Variants in SH3D19 observed in about 807,000 individuals in gnomAD.
The protein encoded by SH3D19 is SH3 domain-containing protein 19.
A neutral mutation model predicts 112.1 loss-of-function variants in SH3D19; 58 were observed. The ratio of observed to expected loss-of-function variants is 0.52; its 90% CI spans 0.42 to 0.64. The LOEUF is 0.64. SH3D19 is among the 30% of genes least tolerant of loss of function. SH3D19 has a pLI of 0.00. For missense variants in SH3D19, 1,090 were observed against 1,263.4 expected (o/e 0.86, Z 2.08); for synonymous variants, 391 against 448.5 (o/e 0.87, Z 1.62).
At chr4:151,137,586 A>C in intron 14 of SH3D19, 146 bp downstream of exon 14, 1 of 602,414 alleles carries the variant, frequency 1.7e-6, no homozygotes. Flanking sequence ...CTAGTTGACC[A>C]AATCTTTATT....
At chr4:151,207,868 C>T (rs1175431630) in intron 2 of SH3D19, among the ~76,000 whole-genome samples, 3 of 152,162 alleles carry the variant, frequency 2.0e-5, no homozygotes, top group Non-Finnish European at 4.4e-5. Context: ...AACTAACAAA[C>T]ATCAAACTGA....
intron 1 of SH3D19, among the ~76,000 whole-genome samples, chr4:151,307,796 G>A (rs757812118): frequency 6.6e-6 from 1 of 152,250 alleles, no homozygotes; most frequent in Non-Finnish European, 1.5e-5. Context: ...CCTCCACAGG[G>A]TGAGCCATGA....
Position 151,198,845 on chromosome 4 carries a change from T to A in SH3D19, c.153-11382A>T, listed in dbSNP as rs564356603. On this transcript the variant is annotated intron_variant, in intron 2 of 19. Coordinates refer to ENST00000604030, the MANE Select transcript of SH3D19 (RefSeq NM_001378122.1). The stretch of plus-strand genomic sequence containing the variant: ...TAAAGCTGAAGGCTTTAACCAAGAA[T>A]ATAAACACAACGTGGAAACAGCTGA... Among the ~76,000 whole-genome samples, 18 of 152,284 alleles carry A rather than the reference T, an allele frequency of 1.2e-4. No homozygotes were observed. The South Asian group carries it at 3.3e-3, about 28-fold the overall frequency.
At chr4:151,255,311 G>A (rs1406458940) in intron 1 of SH3D19, among the ~76,000 whole-genome samples, 1 of 151,236 alleles carries the variant, frequency 6.6e-6, no homozygotes, top group Non-Finnish European at 1.5e-5. Context: ...CTTCTCAGAC[G>A]GGGCGGCCGG....
chr4:151,128,541 A>G (rs1339608542), intron 17 of SH3D19, among the ~76,000 whole-genome samples, 185 bp from the exon 18 acceptor site: 1 of 152,130 alleles, frequency 6.6e-6, no homozygotes, highest in Non-Finnish European at 1.5e-5. Context: ...GTTTCCAATA[A>G]TTTTTTCTTA....
chr4:151,199,627 C>T (rs1023892364), intron 2 of SH3D19, among the ~76,000 whole-genome samples: 4 of 152,138 alleles, frequency 2.6e-5, no homozygotes, highest in African/African-American at 9.7e-5. Flanking sequence ...TTCTTTCCTG[C>T]CACACTGGAA....
rs1491306799 is a variant in SH3D19, at chr4:151,138,684, T to TCACA, written c.2297-823_2297-822insTGTG. ...GCCTAGGCGACAGAGCAAGATCTTG[T>TCACA]CTCACACACACACACACACACACAC... On this transcript the variant is annotated intron_variant, in intron 13 of 19. Transcript: ENST00000604030. Among the ~76,000 whole-genome samples, 840 of 135,874 alleles carry TCACA rather than the reference T, an allele frequency of 6.2e-3. 16 individuals are homozygous for TCACA. Among genetic ancestry groups the TCACA allele is most frequent in the Middle Eastern group, 0.019 (5 of 266 alleles). The allele number at this position is 135,874 out of a possible 152,430, so 89.1% of individuals were successfully genotyped here.
chr4:151,285,816 A>G (rs1327332468), intron 1 of SH3D19, among the ~76,000 whole-genome samples: 1 of 152,062 alleles, frequency 6.6e-6, no homozygotes, highest in Non-Finnish European at 1.5e-5. Flanking sequence ...GTAGTGAGCT[A>G]TGATCACACC....
chr4:151,153,016 A>G (rs1755365493), intron 9 of SH3D19, among the ~76,000 whole-genome samples: 1 of 151,254 alleles, frequency 6.6e-6, no homozygotes, highest in African/African-American at 2.4e-5. Context: ...TTGTATTTTT[A>G]GTAGAGATGG....
intron 1 of SH3D19, among the ~76,000 whole-genome samples, chr4:151,317,756 C>T (rs1730130828): frequency 6.6e-6 from 1 of 151,956 alleles, no homozygotes; most frequent in Admixed American, 6.6e-5. Flanking sequence ...GGCACATCAC[C>T]TGAGGTCAGG....
rs1229681307 is a variant in SH3D19 at position 151,137,745 on chromosome 4, T to G, written c.2414A>C (p.Tyr805Ser). The G allele has an allele frequency of 1.2e-6, 2 of 1,602,130 alleles. No individual in the cohort carries two copies. Among genetic ancestry groups the G allele is most frequent in the South Asian group, 2.3e-5 (2 of 88,722 alleles). ...RNQIGIFPAN[Y>S]VKVIIDIPEG... ...CAACCCACTTACAATCACTTTGACA[T>G]AGTTGGCAGGAAATATGCCAATCTG... is the stretch of plus-strand genomic sequence containing the variant. The change falls in exon 14 of 20, where the codon TAT becomes TCT. Residue 805 changes from tyrosine (Y) to serine (S), a missense_variant. Tyr to Ser is a moderately radical substitution (Grantham distance 144). Coordinates refer to ENST00000604030, the MANE Select transcript of SH3D19 (RefSeq NM_001378122.1).
At chr4:151,169,255 A>G (rs1001125659) in intron 7 of SH3D19, among the ~76,000 whole-genome samples, 13 of 152,152 alleles carry the variant, frequency 8.5e-5, no homozygotes, top group African/African-American at 3.1e-4. Context: ...ACTGGCACTC[A>G]GATAGTGTAT....
chr4:151,207,004 A>C (rs1365325126), intron 2 of SH3D19, among the ~76,000 whole-genome samples: 1 of 152,068 alleles, frequency 6.6e-6, no homozygotes, highest in Non-Finnish European at 1.5e-5. Context: ...CATGGCTGTC[A>C]GCTCTGTCTT....
Position 151,120,754 on chromosome 4 carries a change from G to A in SH3D19, c.*1337C>T, listed in dbSNP as rs1420647300. The A allele has an allele frequency of 6.6e-6, 1 of 152,132 alleles. No individual in the cohort carries two copies. The highest frequency in any genetic ancestry group is 1.5e-5 in the Non-Finnish European group (1 of 67,958). 9.4% of individuals were successfully genotyped at this position (152,132 alleles called of 1,614,324 possible). Reference sequence around the variant, plus strand: ...GTGGCCACTTGTTGCTTAACTTTTTGGACAATGGGAAAAAAAAAACAATAA... The same window carrying A: ...GTGGCCACTTGTTGCTTAACTTTTTAGACAATGGGAAAAAAAAAACAATAA... On this transcript the variant is annotated 3_prime_UTR_variant, in exon 20 of 20. Transcript: ENST00000604030.
intron 12 of SH3D19, among the ~76,000 whole-genome samples, 154 bp downstream of exon 12, chr4:151,143,756 A>T (rs1364389497): frequency 6.6e-6 from 1 of 152,134 alleles, no homozygotes; most frequent in East Asian, 1.9e-4. Flanking sequence ...TCTTAGTAGT[A>T]ATTTATTCTA....
intron 1 of SH3D19, chr4:151,227,945 C>G (rs556551739): frequency 1.0e-6 from 1 of 985,294 alleles, no homozygotes. Context: ...TATCCAAGGG[C>G]TTCCCTCCAG....
intron 1 of SH3D19, among the ~76,000 whole-genome samples, chr4:151,323,688 T>C (rs1303122868): frequency 2.0e-5 from 3 of 152,184 alleles, no homozygotes; most frequent in African/African-American, 7.2e-5. Context: ...CAAAATATTA[T>C]CAAAGAACCT....
At chr4:151,292,673 G>A (rs1285081247) in intron 1 of SH3D19, among the ~76,000 whole-genome samples, 1 of 151,960 alleles carries the variant, frequency 6.6e-6, no homozygotes, top group Non-Finnish European at 1.5e-5. Flanking sequence ...CAGATTTTCT[G>A]GTATAATTCC....
At chr4:151,238,501 T>A (rs1770305659) in intron 1 of SH3D19, among the ~76,000 whole-genome samples, 1 of 152,212 alleles carries the variant, frequency 6.6e-6, no homozygotes, top group Non-Finnish European at 1.5e-5. Context: ...TTAGTTTTGT[T>A]TGTGCCACAG....
Sources: allele counts gnomAD v4.1 joint callset (sites outside exome capture counted in the v4.1 genomes callset), GRCh38; gene constraint gnomAD v4.1.1; transcripts MANE v1.5; gene names NCBI Gene and HGNC (gene_info 2026-07-23, HGNC 2026-07-21).